The following DRC11 variants were observed in gnomAD, a reference collection of about 807,000 sequenced individuals.
DRC11 encodes the protein dynein regulatory complex subunit 11.
chr2:236,328,007 A>C, the DRC11 span, among the ~76,000 whole-genome samples: 1 of 152,050 alleles, frequency 6.6e-6, no homozygotes, highest in Non-Finnish European at 1.5e-5. This position sits in a 1 kb window ranked among gnomAD's most constrained non-coding sequence, Gnocchi z 6.7. Flanking sequence ...TTCTTTTTCA[A>C]ATTTTCCTGT....
chr2:236,433,421 T>C, the DRC11 span, among the ~76,000 whole-genome samples: 1 of 152,188 alleles, frequency 6.6e-6, no homozygotes, highest in Non-Finnish European at 1.5e-5. Context: ...TTCGCATCCC[T>C]CAGGAGTGTT....
chr2:236,409,447 T>C, the DRC11 span, among the ~76,000 whole-genome samples: 3 of 152,136 alleles, frequency 2.0e-5, no homozygotes, highest in East Asian at 1.9e-4. Flanking sequence ...GTGATTTTTG[T>C]ACATTGATTT....
the DRC11 span, among the ~76,000 whole-genome samples, chr2:236,437,677 T>A: frequency 6.6e-6 from 1 of 151,690 alleles, no homozygotes; most frequent in Non-Finnish European, 1.5e-5. Context: ...TTGATTTGCA[T>A]TTCTCTGATG....
the DRC11 span, among the ~76,000 whole-genome samples, chr2:236,477,208 T>G: frequency 2.0e-5 from 3 of 152,176 alleles, no homozygotes; most frequent in Non-Finnish European, 4.4e-5. Flanking sequence ...AGCATTTGAC[T>G]CCCCAAAACT....
chr2:236,345,986 C>T, the DRC11 span, among the ~76,000 whole-genome samples: 1 of 152,230 alleles, frequency 6.6e-6, no homozygotes, highest in Admixed American at 6.5e-5. Context: ...TATGCGCCTT[C>T]AAAGGCAGAA....
the DRC11 span, among the ~76,000 whole-genome samples, chr2:236,504,901 TTCCCAGTCC>T: frequency 6.6e-6 from 1 of 152,254 alleles, no homozygotes; most frequent in Non-Finnish European, 1.5e-5. The surrounding 1 kb of genome is among the most constrained non-coding windows in gnomAD (Gnocchi z 5.0). Context: ...TCCTAAGGAC[TTCCCAGTCC>T]TGCAGAACTG....
the DRC11 span, chr2:236,333,425 C>A: frequency 4.6e-5 from 7 of 153,346 alleles, no homozygotes; most frequent in Non-Finnish European, 8.8e-5. The surrounding 1 kb of genome is among the most constrained non-coding windows in gnomAD (Gnocchi z 6.0). Flanking sequence ...TAGCCCACAT[C>A]TTCACTTGAG....
chr2:236,367,124 G>T, the DRC11 span, among the ~76,000 whole-genome samples: 1 of 150,544 alleles, frequency 6.6e-6, no homozygotes. This position sits in a 1 kb window ranked among gnomAD's most constrained non-coding sequence, Gnocchi z 4.8. Context: ...CTGGCTCACT[G>T]GTGCTTTCTG....
At chr2:236,446,680 T>A in the DRC11 span, among the ~76,000 whole-genome samples, 1 of 152,190 alleles carries the variant, frequency 6.6e-6, no homozygotes, top group Non-Finnish European at 1.5e-5. The surrounding 1 kb of genome is among the most constrained non-coding windows in gnomAD (Gnocchi z 6.2). Flanking sequence ...AAAACCCTCT[T>A]CTGTGCTTAG....
At chr2:236,363,246 GGA>G in the DRC11 span, among the ~76,000 whole-genome samples, 564 of 152,288 alleles carry the variant, frequency 3.7e-3, 3 homozygotes, top group African/African-American at 0.013. This position sits in a 1 kb window ranked among gnomAD's most constrained non-coding sequence, Gnocchi z 5.6. Flanking sequence ...ATGATAAAAT[GGA>G]GACCCAGGGA....
chr2:236,458,611 T>A, the DRC11 span, among the ~76,000 whole-genome samples: 2 of 152,308 alleles, frequency 1.3e-5, no homozygotes, highest in South Asian at 2.1e-4. Flanking sequence ...CCCCACAGCA[T>A]CAGAGAAGTG....
chr2:236,381,737 C>T, the DRC11 span, among the ~76,000 whole-genome samples: 1 of 152,206 alleles, frequency 6.6e-6, no homozygotes, highest in Admixed American at 6.5e-5. This position sits in a 1 kb window ranked among gnomAD's most constrained non-coding sequence, Gnocchi z 5.8. Flanking sequence ...GCCATCTGTA[C>T]ATCCTCTTCA....
the DRC11 span, among the ~76,000 whole-genome samples, chr2:236,459,253 A>G: frequency 9.9e-5 from 15 of 152,252 alleles, no homozygotes; most frequent in South Asian, 2.9e-3. Context: ...CCCTATTAAT[A>G]CAACACATAC....
chr2:236,331,684 A>T, the DRC11 span: 19 of 972,944 alleles, frequency 2.0e-5, no homozygotes, highest in African/African-American at 1.3e-4. The surrounding 1 kb of genome is among the most constrained non-coding windows in gnomAD (Gnocchi z 4.8). Flanking sequence ...GTTGCATCTC[A>T]TCAAGAAAGG....
chr2:236,308,890 T>A, the DRC11 span, among the ~76,000 whole-genome samples: 1 of 152,162 alleles, frequency 6.6e-6, no homozygotes, highest in East Asian at 1.9e-4. The surrounding 1 kb of genome is among the most constrained non-coding windows in gnomAD (Gnocchi z 6.0). Flanking sequence ...AAAATAAAAC[T>A]TAAAGCAATG....
chr2:236,411,155 A>C, the DRC11 span, among the ~76,000 whole-genome samples: 14 of 151,208 alleles, frequency 9.3e-5, no homozygotes, highest in Non-Finnish European at 1.8e-4. Context: ...CATCTGACAA[A>C]GGGCTAATAT....
chr2:236,446,784 A>G, the DRC11 span, among the ~76,000 whole-genome samples: 1 of 151,682 alleles, frequency 6.6e-6, no homozygotes, highest in African/African-American at 2.4e-5. The surrounding 1 kb of genome is among the most constrained non-coding windows in gnomAD (Gnocchi z 6.2). Context: ...CCAGCCACAC[A>G]CTCCTCAGGC....
At chr2:236,307,240 C>T in the DRC11 span, among the ~76,000 whole-genome samples, 2 of 152,294 alleles carry the variant, frequency 1.3e-5, no homozygotes, top group Non-Finnish European at 2.9e-5. This position sits in a 1 kb window ranked among gnomAD's most constrained non-coding sequence, Gnocchi z 7.0. Flanking sequence ...GCCTCTTCAA[C>T]ATCCGGCATG....
the DRC11 span, among the ~76,000 whole-genome samples, chr2:236,434,727 G>C: frequency 9.2e-5 from 14 of 152,040 alleles, no homozygotes; most frequent in South Asian, 2.1e-4. This position sits in a 1 kb window ranked among gnomAD's most constrained non-coding sequence, Gnocchi z 5.5. Flanking sequence ...ATTTTCTTTT[G>C]ACTAGTATTT....
Sources: gnomAD v4.1 joint callset for allele counts (sites outside exome capture counted in the v4.1 genomes callset) on GRCh38, gnomAD v4.1.1 for gene constraint, Gnocchi (gnomAD v3.1) non-coding constraint, MANE v1.5 for transcripts, NCBI Gene and HGNC (gene_info 2026-07-23, HGNC 2026-07-21) for gene names.